SYCE1: variants seen among roughly 807,000 people sequenced by gnomAD.
SYCE1 encodes synaptonemal complex central element protein 1, also known as cancer/testis antigen 76.
In SYCE1, 37 loss-of-function variants were observed where a neutral mutation model predicts 55.1. The observed-to-expected ratio is 0.67, with a 90% CI of 0.52 to 0.88. The LOEUF is 0.88. SYCE1 is among the 40% of genes least tolerant of loss of function. The pLI is 0.00. For missense variants in SYCE1, 399 were observed against 416.4 expected (o/e 0.96, Z 0.36); for synonymous variants, 163 against 159.4 (o/e 1.02, Z -0.17).
intron 5 of SYCE1, 93 bp from the exon 6 acceptor site, chr10:133,558,011 A>G: frequency 6.5e-7 from 1 of 1,544,622 alleles, no homozygotes; most frequent in Non-Finnish European, 8.9e-7. Flanking sequence ...GTCTGTGGAC[A>G]CCTGATTGAG....
At chr10:133,560,197 A>C in intron 1 of SYCE1, 44 bp from the exon 2 acceptor site, 1 of 1,582,758 alleles carries the variant, frequency 6.3e-7, no homozygotes, top group South Asian at 1.1e-5. Context: ...GCAGGGCGAG[A>C]GGCCACCCCT....
In SYCE1 at chr10:133,563,173, C is replaced by A. The variant is rs151273374; in HGVS notation, c.73+2284G>T. Among the ~76,000 whole-genome samples, 1,217 of 152,342 alleles carry A rather than the reference C, an allele frequency of 8.0e-3. 13 individuals carry two copies. Among genetic ancestry groups the A allele is most frequent in the Middle Eastern group, 0.024 (7 of 294 alleles). On this transcript the variant is annotated intron_variant, in intron 1 of 12. Transcript: ENST00000343131. Reference sequence around the variant, plus strand: ...CAAAATTAAGGTGTCTCCTTACAAACTTTCTGATAGTAAATATCAAAAGTT... The same window carrying A: ...CAAAATTAAGGTGTCTCCTTACAAAATTTCTGATAGTAAATATCAAAAGTT...
upstream of SYCE1, chr10:133,568,244 C>G: frequency 7.1e-7 from 1 of 1,410,552 alleles, no homozygotes; most frequent in Non-Finnish European, 9.7e-7. Context: ...TCCTCCTCGT[C>G]CTCCAGGCCG....
chr10:133,559,551 T>C (rs1391081011), intron 2 of SYCE1, 191 bp from the exon 3 acceptor site: 2 of 605,446 alleles, frequency 3.3e-6, no homozygotes, highest in Non-Finnish European at 6.0e-6. Flanking sequence ...AGATACCGAA[T>C]GGGGCTGCGG....
intron 1 of SYCE1, among the ~76,000 whole-genome samples, chr10:133,563,533 T>A (rs1354621868): frequency 6.6e-6 from 1 of 151,900 alleles, no homozygotes; most frequent in East Asian, 1.9e-4. Flanking sequence ...ATAAAAAATT[T>A]AAAAAAATTA....
intron 7 of SYCE1, 71 bp from the exon 8 acceptor site, chr10:133,556,893 G>A: frequency 6.3e-7 from 1 of 1,582,786 alleles, no homozygotes; most frequent in Non-Finnish European, 8.6e-7. Flanking sequence ...CCAAGTCTGT[G>A]GTTCTTCAGG....
At chr10:133,559,477 G>A in intron 2 of SYCE1, 117 bp from the exon 3 acceptor site, 1 of 1,023,246 alleles carries the variant, frequency 9.8e-7, no homozygotes, top group Non-Finnish European at 1.5e-6. Context: ...CTGCAAGCAG[G>A]TGCTCTGTGG....
rs763236726 is a variant in SYCE1, at chr10:133,557,119, A to C, written c.412T>G (p.Ser138Ala). 6.2e-7 allele frequency: 1 copy of C among 1,614,146 alleles called. No individual in the cohort carries two copies. Among genetic ancestry groups the C allele is most frequent in the Non-Finnish European group, 8.5e-7 (1 of 1,180,022 alleles). ...TMLQECKERISALNLQIEEEK... is the reference protein window; with the variant it reads ...TMLQECKERIAALNLQIEEEK... Reference sequence around the variant, plus strand: ...TCTTCAATCTGCAAGTTCAGGGCAGAAATTCTCTCCTTGCACTCCTGCAAC... The same window carrying C: ...TCTTCAATCTGCAAGTTCAGGGCAGCAATTCTCTCCTTGCACTCCTGCAAC... The change falls in exon 7 of 13, where the codon TCT (serine) becomes GCT (alanine). Residue 138 changes from serine (S) to alanine (A), a missense_variant. Coordinates refer to ENST00000343131, the MANE Select transcript of SYCE1 (RefSeq NM_001143764.3).
Position 133,565,507 on chromosome 10 carries a change from G to A in SYCE1, c.23C>T (p.Ser8Leu), listed in dbSNP as rs1453700101. ...GGCTCCTGCGGTGGGCTCGGCCTTC[G>A]ATGTCAGGGACCTCCCCGCCATTTC... Reference protein sequence around the residue: MAGRSLTSKAEPTAGAVD... With the variant: MAGRSLTLKAEPTAGAVD... The change falls in exon 1 of 13, where the codon TCG becomes TTG. Residue 8 changes from serine to leucine, a missense_variant. Physicochemically the swap from Ser to Leu is moderately radical, Grantham distance 145 (BLOSUM62 -2). Coordinates refer to ENST00000343131, the MANE Select transcript of SYCE1 (RefSeq NM_001143764.3). The A allele has an allele frequency of 2.6e-6, 4 of 1,549,794 alleles. No homozygotes were observed. The highest frequency in any genetic ancestry group is 2.4e-5 in the East Asian group (1 of 40,878).
At chr10:133,562,162 G>C (rs181852286) in intron 1 of SYCE1, among the ~76,000 whole-genome samples, 8 of 151,960 alleles carry the variant, frequency 5.3e-5, no homozygotes, top group African/African-American at 1.9e-4. Flanking sequence ...TGAAATAGCA[G>C]ATATTTGTCC....
intron 1 of SYCE1, among the ~76,000 whole-genome samples, chr10:133,562,291 G>A (rs1335517265): frequency 4.8e-4 from 71 of 149,396 alleles, no homozygotes; most frequent in African/African-American, 1.4e-3. Context: ...GTGTGTGTGT[G>A]TGTGTGTGTG....
In SYCE1 at chr10:133,558,805, T is replaced by C. The variant is rs574863082; in HGVS notation, c.271+72A>G. 25 of 1,485,194 alleles carry C rather than the reference T, an allele frequency of 1.7e-5. No homozygotes were observed. The African/African-American group carries it at 2.5e-4, about 15-fold the overall frequency. 92.0% of individuals were successfully genotyped at this position (1,485,194 alleles called of 1,614,324 possible). A position where few individuals can be genotyped will look rare whatever the true frequency, so the allele number is the denominator to read the frequency against. On this transcript the variant is annotated intron_variant, in intron 4 of 12. Coordinates refer to ENST00000343131, the MANE Select transcript of SYCE1 (RefSeq NM_001143764.3). ...CCCTTGGCCATGGCAAGGATGCTGA[T>C]TATCTGGAATACAGGGTTAGGGGAG... is the stretch of plus-strand genomic sequence containing the variant.
downstream of SYCE1, chr10:133,554,244 G>C (rs371834865): frequency 6.3e-7 from 1 of 1,586,198 alleles, no homozygotes; most frequent in East Asian, 2.2e-5. Flanking sequence ...ACTTTGCCAT[G>C]TTCCATTTTT....
At chr10:133,566,697 TA>T (rs1851946333), upstream of SYCE1, among the ~76,000 whole-genome samples, 1 of 149,784 alleles carries the variant, frequency 6.7e-6, no homozygotes, top group African/African-American at 2.5e-5. Context: ...TTGTAAGGGT[TA>T]GGGTTTTAGG....
upstream of SYCE1, among the ~76,000 whole-genome samples, chr10:133,566,162 C>T (rs1296825639): frequency 1.3e-5 from 2 of 152,204 alleles, no homozygotes; most frequent in Non-Finnish European, 2.9e-5. Flanking sequence ...CGCGCTGGGG[C>T]CACCGTGGAG....
At chr10:133,554,306 A>ACTGGTCTAC (rs1851597094), downstream of SYCE1, 4 of 1,614,006 alleles carry the variant, frequency 2.5e-6, no homozygotes, top group Non-Finnish European at 3.4e-6. Flanking sequence ...CCACCATGTC[A>ACTGGTCTAC]CTGGTCTACC....
chr10:133,565,618 G>C (rs751595483), upstream of SYCE1: 17 of 1,339,078 alleles, frequency 1.3e-5, no homozygotes, highest in Non-Finnish European at 1.7e-5. Context: ...ACTCCAGGCA[G>C]CGCGCCTGCG....
chr10:133,562,610 TTTGC>T (rs1204086789), intron 1 of SYCE1, among the ~76,000 whole-genome samples: 1 of 152,158 alleles, frequency 6.6e-6, no homozygotes, highest in Non-Finnish European at 1.5e-5. Context: ...TCCTAAACTG[TTTGC>T]TTTTGTATTG....
rs766749351 is a variant in SYCE1, at chr10:133,555,195, G to GC, written c.919-67dup. ...CCCCATGGCCACATGGTCCCCTCCT[G>GC]CCCCATCACCACCTTGGGTGGACCC... On this transcript the variant is annotated intron_variant, in intron 12 of 12. Coordinates refer to ENST00000343131, the MANE Select transcript of SYCE1 (RefSeq NM_001143764.3). The GC allele has an allele frequency of 5.2e-6, 8 of 1,532,354 alleles. No homozygotes were observed. The East Asian group carries it at 1.2e-4, about 23-fold the overall frequency. 94.9% of individuals were successfully genotyped at this position (1,532,354 alleles called of 1,614,324 possible).
Sources: gnomAD v4.1 joint callset for allele counts (sites outside exome capture counted in the v4.1 genomes callset) on GRCh38, gnomAD v4.1.1 for gene constraint, MANE v1.5 for transcripts, NCBI Gene and HGNC (gene_info 2026-07-23, HGNC 2026-07-21) for gene names.